CADM3: variants seen among roughly 807,000 people sequenced by gnomAD.
CADM3 encodes the protein cell adhesion molecule 3, also known as TSLC1-like 1.
Under a neutral mutation model 44.9 loss-of-function variants are expected in CADM3, and 11 were observed. The observed-to-expected ratio is 0.25, with a 90% confidence interval of 0.15 to 0.41. CADM3 has a LOEUF of 0.41. Among genes scored for constraint, CADM3 ranks in the 10% least tolerant of loss-of-function variants. CADM3 has a pLI of 1.00. For synonymous variants in CADM3, 207 were observed against 205.2 expected, an observed-to-expected ratio of 1.01 and a Z score of -0.08; for missense variants, 426 against 512.0, an observed-to-expected ratio of 0.83 and a Z score of 1.62.
Position 159,171,796 on chromosome 1 carries a change from C to T in CADM3, c.31C>T (p.Leu11=). Residue 11 remains leucine, a synonymous_variant, in exon 1 of 9, where the codon CTG becomes TTG. Coordinates refer to ENST00000368125, the MANE Select transcript of CADM3 (RefSeq NM_001127173.3). MGAPAASLLL[L]LLLFACCWAP... ...GGCCCCAGCCGCCTCGCTCCTGCTC[C>T]TGCTCCTGCTGTTCGCCTGCTGCTG... The T allele has an allele frequency of 3.2e-6, 4 of 1,246,012 alleles. No individual in the cohort carries two copies. The highest frequency in any genetic ancestry group is 2.0e-6 in the Non-Finnish European group (2 of 994,228). The allele number at this position is 1,246,012 out of a possible 1,614,324, so 77.2% of individuals were successfully genotyped here.
At chr1:159,194,762 T>G (rs994214847) in intron 5 of CADM3, 4 of 152,240 alleles carry the variant, frequency 2.6e-5, no homozygotes. Context: ...TCACTGTCAT[T>G]ACTCCTGGCC....
intron 7 of CADM3, among the ~76,000 whole-genome samples, chr1:159,198,915 T>C (rs370636348): frequency 6.6e-6 from 1 of 152,216 alleles, no homozygotes; most frequent in East Asian, 1.9e-4. Flanking sequence ...TCCACTAGCA[T>C]GAGAGAAAGC....
At chr1:159,183,196 C>A (rs529322267) in intron 1 of CADM3, among the ~76,000 whole-genome samples, 18 of 152,330 alleles carry the variant, frequency 1.2e-4, no homozygotes, top group African/African-American at 3.8e-4. Flanking sequence ...TAGTGTAGGA[C>A]CCCTGGGTCC....
At chr1:159,191,028 GGGAACAAGGA>G (rs1391623954) in intron 1 of CADM3, among the ~76,000 whole-genome samples, 7 of 152,294 alleles carry the variant, frequency 4.6e-5, no homozygotes, top group Admixed American at 1.3e-4. Flanking sequence ...CCATGCTGTG[GGGAACAAGGA>G]ACAACAGGAA....
At chr1:159,180,771 A>C in intron 1 of CADM3, among the ~76,000 whole-genome samples, 1 of 152,172 alleles carries the variant, frequency 6.6e-6, no homozygotes, top group East Asian at 1.9e-4. Context: ...AACAGTAAAA[A>C]CAAGTCAGGA....
intron 4 of CADM3, 75 bp downstream of exon 4, chr1:159,193,635 A>T: frequency 5.7e-6 from 9 of 1,584,364 alleles, no homozygotes; most frequent in Non-Finnish European, 7.8e-6. Flanking sequence ...CTGTGAACGT[A>T]CACAGGAGGC....
intron 1 of CADM3, among the ~76,000 whole-genome samples, chr1:159,187,533 T>G (rs1464024710): frequency 1.3e-5 from 2 of 152,208 alleles, no homozygotes; most frequent in Admixed American, 6.5e-5. Context: ...GTTTTGAGAT[T>G]AAATGAATTC....
rs921526226 is a variant in CADM3, at chr1:159,172,574, A to AG, written c.88+727dup. On this transcript the variant is annotated intron_variant, in intron 1 of 8. Coordinates refer to ENST00000368125, the MANE Select transcript of CADM3 (RefSeq NM_001127173.3). Reference sequence around the variant, plus strand: ...ACAGGAGCAGAGGCGGGGTGGGGGTAGGGGGGAGCGCAAAAGAAAGAATCA... The same window carrying AG: ...ACAGGAGCAGAGGCGGGGTGGGGGTAGGGGGGGAGCGCAAAAGAAAGAATCA... 3.3e-5 allele frequency among the ~76,000 whole-genome samples: 5 copies of AG among 151,876 alleles called. No homozygotes were observed. In the South Asian group the frequency reaches 6.3e-4, roughly 19 times the overall value.
intron 2 of CADM3, among the ~76,000 whole-genome samples, 185 bp downstream of exon 2, chr1:159,192,261 A>G (rs965341192): frequency 3.9e-5 from 6 of 152,144 alleles, no homozygotes; most frequent in Admixed American, 2.0e-4. Context: ...TACAGCATGC[A>G]TAATCTTACA....
At chr1:159,193,069 A>G (rs1448331779) in intron 3 of CADM3, among the ~76,000 whole-genome samples, 2 of 152,138 alleles carry the variant, frequency 1.3e-5, no homozygotes, top group Non-Finnish European at 2.9e-5. Context: ...TAAGTACCCC[A>G]GTTGCTTACA....
chr1:159,188,717 G>C (rs1649525491), intron 1 of CADM3, among the ~76,000 whole-genome samples: 1 of 152,190 alleles, frequency 6.6e-6, no homozygotes, highest in African/African-American at 2.4e-5. Context: ...CGCCTCTTCA[G>C]GTTGGGCTAG....
chr1:159,200,662 A>G, intron 8 of CADM3, 142 bp from the exon 9 acceptor site: 1 of 580,436 alleles, frequency 1.7e-6, no homozygotes. Context: ...AATGCGAATT[A>G]GGTAAGGTGG....
intron 1 of CADM3, among the ~76,000 whole-genome samples, chr1:159,185,382 T>C (rs940333097): frequency 6.6e-6 from 1 of 152,200 alleles, no homozygotes; most frequent in Admixed American, 6.5e-5. Flanking sequence ...TTTCCCAGTT[T>C]ACGCTCTACC....
rs781557694 is a variant in CADM3 at position 159,193,439 on chromosome 1, C to T, written c.399C>T (p.Pro133=). ...LVTVLGIPQK[P]IITGYKSSLR... is the part of the protein sequence containing the mutation. ...CCATGGCAGGAATTCCACAGAAGCCCATCATCACTGGTTATAAATCTTCAT... is the reference window on the plus strand; with the variant it reads ...CCATGGCAGGAATTCCACAGAAGCCTATCATCACTGGTTATAAATCTTCAT... Residue 133 remains proline (P), a synonymous_variant, in exon 4 of 9, where the codon CCC becomes CCT. Transcript: ENST00000368125. 2.5e-6 allele frequency: 4 copies of T among 1,603,266 alleles called. No individual in the cohort carries two copies. The highest frequency in any genetic ancestry group is 3.4e-6 in the Non-Finnish European group (4 of 1,172,648).
chr1:159,171,974 G>A (rs1309909102), intron 1 of CADM3, 121 bp downstream of exon 1: 1 of 523,632 alleles, frequency 1.9e-6, no homozygotes, highest in African/African-American at 2.0e-5. Flanking sequence ...AAAGTCACCA[G>A]CCGCTGCTAA....
In CADM3 at chr1:159,189,958, CAT is replaced by C. The variant is rs995120215; in HGVS notation, c.89-1977_89-1976del. The C allele has an allele frequency of 1.4e-5, 12 of 867,494 alleles. No homozygotes were observed. In the African/African-American group the frequency reaches 2.0e-4, roughly 15 times the overall value. The allele number at this position is 867,494 out of a possible 1,614,324, so 53.7% of individuals were successfully genotyped here. A position where few individuals can be genotyped will look rare whatever the true frequency, so the allele number is the denominator to read the frequency against. ...TCTCCCACTCATGTTGCCTTCACCA[CAT>C]GTTCTCACTCCTCTCATTACCACAC... On this transcript the variant is annotated intron_variant, in intron 1 of 8. Transcript: ENST00000368125.
chr1:159,177,132 G>A (rs187455975), intron 1 of CADM3, among the ~76,000 whole-genome samples: 1 of 151,990 alleles, frequency 6.6e-6, no homozygotes, highest in Non-Finnish European at 1.5e-5. Flanking sequence ...TTTTACTCAC[G>A]GTAAGTTGTA....
At chr1:159,187,284 C>T (rs1409497430) in intron 1 of CADM3, among the ~76,000 whole-genome samples, 4 of 152,304 alleles carry the variant, frequency 2.6e-5, no homozygotes, top group South Asian at 4.1e-4. Context: ...AACGACACAA[C>T]GGTGAATAAC....
intron 6 of CADM3, 180 bp downstream of exon 6, chr1:159,196,634 G>A (rs1649909461): frequency 1.5e-6 from 1 of 647,658 alleles, no homozygotes. Context: ...ATGGGAAGGG[G>A]CCACTCCCTA....
Sources: gnomAD v4.1 joint callset for allele counts (sites outside exome capture counted in the v4.1 genomes callset) on GRCh38, gnomAD v4.1.1 for gene constraint, MANE v1.5 for transcripts, NCBI Gene and HGNC (gene_info 2026-07-23, HGNC 2026-07-21) for gene names.